The following ZNG1B variants were observed in gnomAD, a reference collection of about 807,000 sequenced individuals.
ZNG1B encodes zinc-regulated GTPase metalloprotein activator 1B.
At chr2:113,478,978 G>A in the ZNG1B span, among the ~76,000 whole-genome samples, 42 of 152,094 alleles carry the variant, frequency 2.8e-4, no homozygotes, top group African/African-American at 9.4e-4. Flanking sequence ...TTCACCTGTA[G>A]CTTCTGGTAT....
At chr2:113,460,545 A>G in the ZNG1B span, 2 of 1,371,862 alleles carry the variant, frequency 1.5e-6, no homozygotes, top group Admixed American at 2.3e-5. Context: ...GGATTTGTGT[A>G]TTCAGTAACA....
chr2:113,456,471 G>A, the ZNG1B span, among the ~76,000 whole-genome samples: 6 of 147,264 alleles, frequency 4.1e-5, no homozygotes, highest in Non-Finnish European at 9.0e-5. Context: ...TTTTTATTTT[G>A]ATAGACTGAA....
At chr2:113,440,580 A>C in the ZNG1B span, among the ~76,000 whole-genome samples, 1 of 152,152 alleles carries the variant, frequency 6.6e-6, no homozygotes, top group Non-Finnish European at 1.5e-5. Flanking sequence ...GACCTAAAAG[A>C]TATTAATACC....
the ZNG1B span, chr2:113,444,133 A>T: frequency 4.7e-6 from 2 of 429,424 alleles, no homozygotes; most frequent in South Asian, 2.7e-5. Context: ...AAAGTCTCAT[A>T]TGTAAAAAAT....
At chr2:113,480,342 C>T in the ZNG1B span, among the ~76,000 whole-genome samples, 1 of 151,662 alleles carries the variant, frequency 6.6e-6, no homozygotes. Context: ...GACAGGCTCT[C>T]GCTACGTTGC....
chr2:113,442,481 G>T, the ZNG1B span, among the ~76,000 whole-genome samples: 2 of 152,122 alleles, frequency 1.3e-5, no homozygotes, highest in Non-Finnish European at 2.9e-5. Flanking sequence ...AGTTATATTC[G>T]ATTTCTGGTT....
the ZNG1B span, among the ~76,000 whole-genome samples, chr2:113,478,853 G>A: frequency 2.2e-4 from 34 of 151,388 alleles, no homozygotes; most frequent in South Asian, 6.9e-3. Context: ...AGCCAGAAGT[G>A]TGGGACAGGC....
the ZNG1B span, chr2:113,468,458 A>G: frequency 1.4e-5 from 2 of 147,818 alleles, no homozygotes; most frequent in East Asian, 4.1e-4. Flanking sequence ...ATAGGGAAAA[A>G]TTGAAAGCCT....
chr2:113,475,248 C>T, the ZNG1B span, among the ~76,000 whole-genome samples: 3 of 150,300 alleles, frequency 2.0e-5, no homozygotes, highest in East Asian at 5.8e-4. Context: ...ATGTAATGGC[C>T]TTCTTTGTCT....
the ZNG1B span, chr2:113,470,796 A>G: frequency 9.0e-6 from 5 of 552,534 alleles, no homozygotes; most frequent in Non-Finnish European, 1.6e-5. Flanking sequence ...GTATTTGAAA[A>G]GCTCATAAAT....
At chr2:113,470,300 CTG>C in the ZNG1B span, 3 of 152,402 alleles carry the variant, frequency 2.0e-5, no homozygotes, top group Admixed American at 2.0e-4. Context: ...GGCCTGTCCT[CTG>C]TGGTTTTCTG....
At chr2:113,443,134 A>G in the ZNG1B span, among the ~76,000 whole-genome samples, 5 of 152,050 alleles carry the variant, frequency 3.3e-5, no homozygotes, top group East Asian at 9.7e-4. Context: ...ACACCTGGCT[A>G]ATTTTTTGTA....
chr2:113,470,934 T>A, the ZNG1B span: 2 of 1,364,414 alleles, frequency 1.5e-6, no homozygotes, highest in African/African-American at 2.9e-5. Context: ...CTATGAATTT[T>A]ATGTATAAAA....
At chr2:113,487,599 T>TA in the ZNG1B span, among the ~76,000 whole-genome samples, 1 of 151,668 alleles carries the variant, frequency 6.6e-6, no homozygotes, top group African/African-American at 2.4e-5. Context: ...TTTACTGTTT[T>TA]AGACACCTGA....
the ZNG1B span, among the ~76,000 whole-genome samples, chr2:113,474,404 G>T: frequency 6.7e-6 from 1 of 149,858 alleles, no homozygotes; most frequent in Non-Finnish European, 1.5e-5. Context: ...CTTGCTAGCG[G>T]TCTATCAATT....
chr2:113,460,481 G>GA, the ZNG1B span, among the ~76,000 whole-genome samples: 2 of 151,976 alleles, frequency 1.3e-5, no homozygotes, highest in Non-Finnish European at 2.9e-5. Flanking sequence ...TTCACTTGTA[G>GA]AAAAAAATTG....
chr2:113,470,862 T>C, the ZNG1B span: 1 of 729,860 alleles, frequency 1.4e-6, no homozygotes, highest in Non-Finnish European at 2.2e-6. Flanking sequence ...ATTGAAGTAA[T>C]AACCAAATAA....
At chr2:113,449,995 T>A in the ZNG1B span, among the ~76,000 whole-genome samples, 1 of 151,170 alleles carries the variant, frequency 6.6e-6, no homozygotes, top group Admixed American at 6.6e-5. Context: ...GGTCACTGTT[T>A]TATTATTTTG....
chr2:113,452,159 T>G, the ZNG1B span, among the ~76,000 whole-genome samples: 2 of 152,140 alleles, frequency 1.3e-5, no homozygotes, highest in Non-Finnish European at 2.9e-5. Flanking sequence ...CCTATTTGAG[T>G]CAAATTGGAA....
Sources: gnomAD v4.1 joint callset for allele counts (sites outside exome capture counted in the v4.1 genomes callset) on GRCh38, gnomAD v4.1.1 for gene constraint, MANE v1.5 for transcripts, NCBI Gene and HGNC (gene_info 2026-07-23, HGNC 2026-07-21) for gene names.